The following PSMD14 variants were observed in gnomAD, a reference collection of about 807,000 sequenced individuals.
PSMD14 encodes the protein ubiquitin C-terminal hydrolase PSMD14.
In PSMD14, 7 loss-of-function variants were observed where a neutral mutation model predicts 41.2. That is an observed-to-expected ratio of 0.17 (90% CI 0.10 to 0.32). PSMD14 has a LOEUF of 0.32. Among genes scored for constraint, PSMD14 ranks in the 10% least tolerant of loss-of-function variants. The pLI, the probability that PSMD14 is intolerant of heterozygous loss-of-function variation, is 1.00. For synonymous variants in PSMD14, 114 were observed against 122.3 expected (o/e 0.93, Z 0.45); for missense variants, 139 against 375.6 (o/e 0.37, Z 5.21).
chr2:161,357,075 C>CTTTTT (rs1288953480), intron 3 of PSMD14, among the ~76,000 whole-genome samples: 2 of 19,450 alleles, frequency 1.0e-4, no homozygotes, highest in Admixed American at 5.7e-4. Context: ...ATGGCAAATG[C>CTTTTT]CTTTTTTTTT....
intron 10 of PSMD14, among the ~76,000 whole-genome samples, chr2:161,406,072 G>C (rs1463799901): frequency 6.6e-6 from 1 of 152,148 alleles, no homozygotes; most frequent in Non-Finnish European, 1.5e-5. Flanking sequence ...AAGTGCCAAA[G>C]ATCCCATCAG....
intron 3 of PSMD14, among the ~76,000 whole-genome samples, chr2:161,320,068 T>C (rs1467558428): frequency 3.3e-5 from 5 of 152,216 alleles, no homozygotes; most frequent in Non-Finnish European, 7.4e-5. Context: ...TCCATTCTTT[T>C]GTAAACATTC....
intron 3 of PSMD14, among the ~76,000 whole-genome samples, chr2:161,331,585 T>C (rs898501607): frequency 6.6e-6 from 1 of 152,206 alleles, no homozygotes; most frequent in Non-Finnish European, 1.5e-5. Flanking sequence ...GCTCAGCCAT[T>C]CTATAAGGCT....
intron 3 of PSMD14, among the ~76,000 whole-genome samples, chr2:161,352,630 G>A (rs993708834): frequency 6.6e-5 from 10 of 151,946 alleles, no homozygotes; most frequent in African/African-American, 2.2e-4. Context: ...AGTTTCCCAA[G>A]TCTATTTTTT....
At chr2:161,402,405 C>T (rs1420926820) in intron 10 of PSMD14, among the ~76,000 whole-genome samples, 1 of 152,024 alleles carries the variant, frequency 6.6e-6, no homozygotes, top group East Asian at 1.9e-4. Context: ...TGGGAGGCCA[C>T]AGCAGGAGAG....
chr2:161,334,947 A>G (rs1682846672), intron 3 of PSMD14, among the ~76,000 whole-genome samples: 1 of 152,212 alleles, frequency 6.6e-6, no homozygotes, highest in East Asian at 1.9e-4. Context: ...CTCAAATAGC[A>G]TTGTGAATAG....
intron 3 of PSMD14, chr2:161,340,872 T>G (rs1000542191): frequency 6.8e-6 from 11 of 1,613,850 alleles, no homozygotes; most frequent in Non-Finnish European, 9.3e-6. Flanking sequence ...CTTCTCGTAC[T>G]GGTTTCCCCT....
At chr2:161,340,913 G>A (rs1236240205) in intron 3 of PSMD14, 2 of 1,613,736 alleles carry the variant, frequency 1.2e-6, no homozygotes, top group Non-Finnish European at 1.7e-6. Flanking sequence ...TGAAGGAGAA[G>A]CCTTCTCCGT....
rs1481792514 is a variant in PSMD14 at position 161,395,110 on chromosome 2, G to A, written c.678G>A (p.Met226Ile). Reference sequence around the variant, plus strand: ...TAAATTTGCATAAGAAGAGTTGGATGGAAGGTTTGACACTTCAGGACTACA... The same window carrying A: ...TAAATTTGCATAAGAAGAGTTGGATAGAAGGTTTGACACTTCAGGACTACA... ...MLLNLHKKSW[M>I]EGLTLQDYSE... The change falls in exon 10 of 12, where the codon ATG (methionine) becomes ATA (isoleucine). Residue 226 changes from methionine to isoleucine, a missense_variant. By Grantham distance (10) the Met-to-Ile change is conservative (BLOSUM62 1). This residue lies in a region of PSMD14 where 80 missense variants were observed against 138.1 expected (regional missense o/e 0.58). Transcript: ENST00000409682. The A allele has an allele frequency of 3.8e-6, 6 of 1,594,808 alleles. No homozygotes were observed. The highest frequency in any genetic ancestry group is 3.5e-5 in the South Asian group (3 of 86,540).
chr2:161,385,283 A>T (rs1421741461), intron 7 of PSMD14, 181 bp from the exon 8 acceptor site: 1 of 384,074 alleles, frequency 2.6e-6, no homozygotes, highest in Non-Finnish European at 4.6e-6. Flanking sequence ...ACATTACAAG[A>T]TAGAGGGTGG....
chr2:161,341,050 C>T, intron 3 of PSMD14: 2 of 1,586,674 alleles, frequency 1.3e-6, no homozygotes, highest in Non-Finnish European at 1.7e-6. Flanking sequence ...CCTGGCCCTT[C>T]GGGCTCCCCC....
intron 7 of PSMD14, 197 bp from the exon 8 acceptor site, chr2:161,385,267 C>T (rs1364197528): frequency 2.8e-6 from 1 of 359,010 alleles, no homozygotes. Flanking sequence ...TAATTGGTGT[C>T]ACCTTACATT....
intron 3 of PSMD14, among the ~76,000 whole-genome samples, chr2:161,340,247 G>A (rs1432113247): frequency 1.3e-5 from 2 of 152,154 alleles, no homozygotes; most frequent in Non-Finnish European, 1.5e-5. Context: ...GTTCTTTGCT[G>A]CCCTGTAATC....
intron 3 of PSMD14, among the ~76,000 whole-genome samples, chr2:161,360,747 A>G (rs1683279001): frequency 2.0e-5 from 3 of 152,178 alleles, no homozygotes; most frequent in Admixed American, 6.5e-5. Context: ...CGTGTTAGCC[A>G]GGATGGTCTC....
At chr2:161,323,591 A>G (rs940657528) in intron 3 of PSMD14, among the ~76,000 whole-genome samples, 43 of 152,102 alleles carry the variant, frequency 2.8e-4, no homozygotes, top group Non-Finnish European at 1.5e-4. Flanking sequence ...TGAACCCAGG[A>G]GGTGGAGGTT....
chr2:161,315,841 C>CTTT (rs34015300), intron 1 of PSMD14, among the ~76,000 whole-genome samples: 1 of 96,790 alleles, frequency 1.0e-5, no homozygotes, highest in Non-Finnish European at 2.1e-5. Context: ...TTATTTTATT[C>CTTT]TTTTTTTTTT....
At chr2:161,386,032 AAAAT>A (rs1683631262) in intron 8 of PSMD14, among the ~76,000 whole-genome samples, 1 of 151,966 alleles carries the variant, frequency 6.6e-6, no homozygotes, top group East Asian at 1.9e-4. Flanking sequence ...ACCCACCTTT[AAAAT>A]AAATCCTATA....
chr2:161,352,592 C>T (rs1421492408), intron 3 of PSMD14, among the ~76,000 whole-genome samples: 1 of 152,074 alleles, frequency 6.6e-6, no homozygotes, highest in Non-Finnish European at 1.5e-5. Flanking sequence ...TGTCATATAC[C>T]CAGTGCATGT....
chr2:161,341,028 G>T, intron 3 of PSMD14: 4 of 1,606,802 alleles, frequency 2.5e-6, no homozygotes, highest in East Asian at 4.5e-5. Context: ...CGCTGGCGCC[G>T]CCGCGGGATC....
Sources: allele counts gnomAD v4.1 joint callset (sites outside exome capture counted in the v4.1 genomes callset), GRCh38; gene constraint gnomAD v4.1.1; regional missense constraint gnomAD v4.1.1; transcripts MANE v1.5; gene names NCBI Gene and HGNC (gene_info 2026-07-23, HGNC 2026-07-21).